Variants in PRELID2 observed in about 807,000 individuals in gnomAD.
PRELID2 encodes the protein PRELI domain-containing protein 2.
PRELID2 carries 25 observed loss-of-function variants against 28.4 expected under a neutral mutation model. The observed-to-expected ratio is 0.88, with a 90% CI of 0.64 to 1.23. The LOEUF (loss-of-function observed/expected upper bound fraction) is 1.23, where lower values mean the gene tolerates loss of function less well. Among genes scored for constraint, PRELID2 ranks in the 50% most tolerant of loss-of-function variants. The pLI, the probability that PRELID2 is intolerant of heterozygous loss-of-function variation, is 0.00. For missense variants in PRELID2, 201 were observed against 214.4 expected (o/e 0.94, Z 0.39); for synonymous variants, 76 against 71.6 (o/e 1.06, Z -0.31).
intron 1 of PRELID2, among the ~76,000 whole-genome samples, chr5:145,573,241 C>T (rs1015716950): frequency 6.6e-6 from 1 of 152,140 alleles, no homozygotes; most frequent in Non-Finnish European, 1.5e-5. Context: ...CAGTACTCTA[C>T]TAGTCTAGGC....
intron 1 of PRELID2, among the ~76,000 whole-genome samples, chr5:145,511,586 G>A (rs1374595312): frequency 6.6e-6 from 1 of 152,178 alleles, no homozygotes; most frequent in African/African-American, 2.4e-5. Context: ...TCATTTCGTG[G>A]TTCAAAAATG....
the PRELID2 span, among the ~76,000 whole-genome samples, chr5:145,449,910 G>T: frequency 6.6e-6 from 1 of 152,080 alleles, no homozygotes; most frequent in Non-Finnish European, 1.5e-5. Context: ...CCACTTGCTG[G>T]ATGAATATTT....
chr5:145,753,544 C>T (rs930307262), downstream of PRELID2, among the ~76,000 whole-genome samples: 1 of 152,112 alleles, frequency 6.6e-6, no homozygotes, highest in African/African-American at 2.4e-5. Context: ...AAGGAGAGAT[C>T]TTTTGTCTCA....
intron 1 of PRELID2, among the ~76,000 whole-genome samples, chr5:145,478,319 G>T (rs373719927): frequency 5.9e-5 from 9 of 152,056 alleles, no homozygotes; most frequent in Admixed American, 5.9e-4. Flanking sequence ...AGGCAGAAGC[G>T]GGCAGATCAT....
chr5:145,434,457 C>T, the PRELID2 span, among the ~76,000 whole-genome samples: 2 of 152,292 alleles, frequency 1.3e-5, no homozygotes, highest in African/African-American at 2.4e-5. Flanking sequence ...ACCCCTGACA[C>T]GTACACATGT....
Position 145,681,482 on chromosome 5 carries a change from C to T in PRELID2, n.70+83449G>A, listed in dbSNP as rs796095504. ...GCTCCAGGATAAATGTTTATGAAGG[C>T]TCTGCCACTTACTACCTGTGTGATC... On this transcript the variant is annotated intron_variant and non_coding_transcript_variant, in intron 1 of 2. Coordinates refer to the PRELID2 transcript ENST00000510259. 4.5e-4 allele frequency among the ~76,000 whole-genome samples: 68 copies of T among 152,310 alleles called. 1 individual carries two copies. Among genetic ancestry groups the T allele is most frequent in the African/African-American group, 1.5e-3 (63 of 41,580 alleles).
At chr5:145,716,289 A>T (rs1026957226) in intron 1 of PRELID2, among the ~76,000 whole-genome samples, 1 of 152,216 alleles carries the variant, frequency 6.6e-6, no homozygotes, top group Non-Finnish European at 1.5e-5. Flanking sequence ...GTCTACTGAA[A>T]GGATCAGTCG....
chr5:145,252,302 T>A, the PRELID2 span, among the ~76,000 whole-genome samples: 1 of 152,132 alleles, frequency 6.6e-6, no homozygotes, highest in Non-Finnish European at 1.5e-5. Flanking sequence ...TGGCCCTGTC[T>A]TAAACGAAAA....
chr5:145,481,643 A>G (rs1752162029), intron 1 of PRELID2, among the ~76,000 whole-genome samples: 6 of 147,194 alleles, frequency 4.1e-5, no homozygotes, highest in Admixed American at 2.7e-4. Context: ...AAAAAAAAAA[A>G]AAAAAAAAAA....
chr5:145,267,461 T>A, the PRELID2 span, among the ~76,000 whole-genome samples: 1 of 152,174 alleles, frequency 6.6e-6, no homozygotes, highest in African/African-American at 2.4e-5. Flanking sequence ...TCCAGTTTCT[T>A]TCATATTGTT....
chr5:145,658,390 T>A (rs769805816), intron 1 of PRELID2, among the ~76,000 whole-genome samples: 23 of 152,170 alleles, frequency 1.5e-4, no homozygotes, highest in Non-Finnish European at 2.9e-4. Flanking sequence ...AGATGCAACA[T>A]GTGATGGGAT....
chr5:145,372,918 TATTA>T, the PRELID2 span, among the ~76,000 whole-genome samples: 3 of 65,452 alleles, frequency 4.6e-5, no homozygotes, highest in South Asian at 6.5e-4. Context: ...ATATATATGA[TATTA>T]TATATTACAA....
chr5:145,337,444 T>C, the PRELID2 span, among the ~76,000 whole-genome samples: 1 of 151,582 alleles, frequency 6.6e-6, no homozygotes, highest in African/African-American at 2.4e-5. Flanking sequence ...TGTCAGATCC[T>C]ACAGGTTAAG....
chr5:145,715,233 C>T (rs574699211), intron 1 of PRELID2, among the ~76,000 whole-genome samples: 2 of 152,198 alleles, frequency 1.3e-5, no homozygotes, highest in East Asian at 1.9e-4. Flanking sequence ...CTCCACTCAC[C>T]GAATTACTCA....
At chr5:145,376,361 T>G in the PRELID2 span, among the ~76,000 whole-genome samples, 10 of 152,154 alleles carry the variant, frequency 6.6e-5, no homozygotes, top group African/African-American at 2.2e-4. Context: ...TTTTCTCTTT[T>G]TCTGTTATGT....
the PRELID2 span, among the ~76,000 whole-genome samples, chr5:145,401,917 A>G: frequency 6.6e-6 from 1 of 152,134 alleles, no homozygotes; most frequent in Non-Finnish European, 1.5e-5. Flanking sequence ...GGTAACTACT[A>G]TCAGTTGTAT....
At chr5:145,405,220 A>G in the PRELID2 span, among the ~76,000 whole-genome samples, 17 of 152,170 alleles carry the variant, frequency 1.1e-4, no homozygotes, top group African/African-American at 3.9e-4. Context: ...ACAATGGCAG[A>G]AAAGAGAAAA....
chr5:145,580,233 C>A (rs1753096016), intron 1 of PRELID2, among the ~76,000 whole-genome samples: 1 of 151,990 alleles, frequency 6.6e-6, no homozygotes, highest in Non-Finnish European at 1.5e-5. Flanking sequence ...TAACCAAAAG[C>A]AATCAGGGAA....
the PRELID2 span, among the ~76,000 whole-genome samples, chr5:145,422,505 T>C: frequency 2.6e-5 from 4 of 152,206 alleles, no homozygotes; most frequent in Admixed American, 2.0e-4. Flanking sequence ...CTTTTTCTCT[T>C]TTGATCTTTG....
Sources: gnomAD v4.1 joint callset for allele counts (sites outside exome capture counted in the v4.1 genomes callset) on GRCh38, gnomAD v4.1.1 for gene constraint, MANE v1.5 for transcripts, NCBI Gene and HGNC (gene_info 2026-07-23, HGNC 2026-07-21) for gene names.